Variants in PTPRD observed in about 807,000 individuals in gnomAD.
The protein encoded by PTPRD is protein tyrosine phosphatase receptor type D, also known as receptor-type tyrosine-protein phosphatase delta.
Under a neutral mutation model 214.5 loss-of-function variants are expected in PTPRD, and 34 were observed. The ratio of observed to expected loss-of-function variants is 0.16; its 90% CI spans 0.12 to 0.21. The LOEUF (loss-of-function observed/expected upper bound fraction) is 0.21. Among genes scored for constraint, PTPRD ranks in the 10% least tolerant of loss-of-function variants. The pLI is 1.00. For synonymous variants in PTPRD, 1,128 were observed against 845.7 expected, an observed-to-expected ratio of 1.33 and a Z score of -5.79; for missense variants, 2,545 against 2,398.7, an observed-to-expected ratio of 1.06 and a Z score of -1.27.
At chr9:10,032,789 C>G (rs116083208) in intron 4 of PTPRD, among the ~76,000 whole-genome samples, 3,094 of 152,092 alleles carry the variant, frequency 0.02, 108 homozygotes, top group African/African-American at 0.069. Context: ...CTATTAATTT[C>G]CATACATGAC....
chr9:8,342,596 A>G (rs891184701), intron 39 of PTPRD, among the ~76,000 whole-genome samples: 1 of 152,052 alleles, frequency 6.6e-6, no homozygotes, highest in Admixed American at 6.6e-5. Context: ...ATAGGTGTAT[A>G]TTACCATCTT....
chr9:8,830,456 A>G (rs1004715407), intron 11 of PTPRD, among the ~76,000 whole-genome samples: 4 of 152,182 alleles, frequency 2.6e-5, no homozygotes, highest in African/African-American at 4.8e-5. Flanking sequence ...TTAAGAAACA[A>G]GAGGGTAAAC....
At chr9:9,385,774 T>C (rs138523569) in intron 9 of PTPRD, among the ~76,000 whole-genome samples, 46 of 152,314 alleles carry the variant, frequency 3.0e-4, no homozygotes, top group African/African-American at 1.0e-3. Flanking sequence ...TTGGGGTGAA[T>C]GTCACTTTTA....
intron 7 of PTPRD, among the ~76,000 whole-genome samples, chr9:9,621,012 C>A (rs576077223): frequency 2.0e-5 from 3 of 152,142 alleles, no homozygotes; most frequent in Non-Finnish European, 4.4e-5. Flanking sequence ...AGACCCAATT[C>A]CCCTTGTGTT....
intron 11 of PTPRD, among the ~76,000 whole-genome samples, chr9:8,936,859 T>C (rs1013218313): frequency 6.6e-6 from 1 of 152,182 alleles, no homozygotes; most frequent in Non-Finnish European, 1.5e-5. Flanking sequence ...AGAATTCACT[T>C]TGAGATTTAC....
rs562983041 is a variant in PTPRD at position 10,282,426 on chromosome 9, A to T, written c.-545+58537T>A. ...TCCAGATAAGTCACTTAGACAAGAT[A>T]AGCCTTCAGTCTTCTAATCTATAAA... On this transcript the variant is annotated intron_variant, in intron 3 of 45. Transcript: ENST00000381196. Among the ~76,000 whole-genome samples, 12 of 152,318 alleles carry T rather than the reference A, an allele frequency of 7.9e-5. No homozygotes were observed. The South Asian group carries it at 1.4e-3, about 18-fold the overall frequency.
intron 9 of PTPRD, among the ~76,000 whole-genome samples, chr9:9,297,936 G>A (rs187021635): frequency 1.0e-3 from 155 of 151,564 alleles, no homozygotes; most frequent in Non-Finnish European, 1.7e-3. Flanking sequence ...GTATTCTTCC[G>A]TTTTATAGAA....
intron 4 of PTPRD, among the ~76,000 whole-genome samples, chr9:9,969,103 C>T (rs1446125167): frequency 6.6e-5 from 10 of 152,042 alleles, no homozygotes; most frequent in East Asian, 1.9e-4. Flanking sequence ...GCATGTGACA[C>T]GTCCATAAAA....
intron 2 of PTPRD, among the ~76,000 whole-genome samples, chr9:10,396,659 C>G (rs371356202): frequency 4.6e-5 from 7 of 151,948 alleles, no homozygotes; most frequent in African/African-American, 1.7e-4. Context: ...ACGAGTAAAG[C>G]ACCTTCTTAA....
intron 30 of PTPRD, among the ~76,000 whole-genome samples, chr9:8,472,092 A>C (rs17564174): frequency 0.012 from 1,769 of 152,274 alleles, 74 homozygotes; most frequent in Admixed American, 0.08. Context: ...CACAGGCAAA[A>C]AGACAGATCT....
At chr9:10,479,448 T>G (rs1204893837) in intron 2 of PTPRD, among the ~76,000 whole-genome samples, 1 of 152,052 alleles carries the variant, frequency 6.6e-6, no homozygotes, top group African/African-American at 2.4e-5. Flanking sequence ...AAACTCAAAC[T>G]TAACTTGTAC....
At chr9:9,716,100 G>A (rs960405459) in intron 7 of PTPRD, among the ~76,000 whole-genome samples, 11 of 151,652 alleles carry the variant, frequency 7.3e-5, no homozygotes, top group East Asian at 3.9e-4. Flanking sequence ...GAGAATATGC[G>A]GTGTTTGGTT....
intron 6 of PTPRD, among the ~76,000 whole-genome samples, chr9:9,765,179 A>T (rs77960325): frequency 6.6e-6 from 1 of 152,310 alleles, no homozygotes; most frequent in African/African-American, 2.4e-5. Flanking sequence ...GGCAAAAAAA[A>T]TATCTGGGAG....
At chr9:9,382,793 C>G (rs1224720383) in intron 9 of PTPRD, among the ~76,000 whole-genome samples, 1 of 151,908 alleles carries the variant, frequency 6.6e-6, no homozygotes, top group East Asian at 1.9e-4. Context: ...TTTGGTAATC[C>G]TACTTCTGGA....
chr9:10,227,247 A>G (rs915369180), intron 3 of PTPRD, among the ~76,000 whole-genome samples: 1 of 151,988 alleles, frequency 6.6e-6, no homozygotes, highest in Non-Finnish European at 1.5e-5. Flanking sequence ...TGCATGTTGA[A>G]AATTACTCTA....
intron 6 of PTPRD, among the ~76,000 whole-genome samples, chr9:9,752,768 T>C (rs1045245163): frequency 6.6e-6 from 1 of 152,024 alleles, no homozygotes; most frequent in Non-Finnish European, 1.5e-5. Context: ...CGTTTTACAT[T>C]GTTTAGAAGA....
chr9:8,624,672 AC>A (rs1402783631), intron 14 of PTPRD, among the ~76,000 whole-genome samples: 2 of 151,838 alleles, frequency 1.3e-5, no homozygotes, highest in Admixed American at 1.3e-4. Context: ...AGCCAGGATC[AC>A]CCCCAACCCT....
At chr9:9,481,859 A>G (rs1178070884) in intron 8 of PTPRD, among the ~76,000 whole-genome samples, 1 of 152,212 alleles carries the variant, frequency 6.6e-6, no homozygotes, top group Non-Finnish European at 1.5e-5. Context: ...TTATCTAAAG[A>G]AATACTTTTG....
intron 3 of PTPRD, among the ~76,000 whole-genome samples, chr9:10,296,633 G>A (rs1205867192): frequency 2.6e-5 from 4 of 151,960 alleles, no homozygotes; most frequent in Non-Finnish European, 4.4e-5. Context: ...GGCTGTCTGT[G>A]CAGTGAGCTG....
Sources: allele counts gnomAD v4.1 joint callset (sites outside exome capture counted in the v4.1 genomes callset), GRCh38; gene constraint gnomAD v4.1.1; transcripts MANE v1.5; gene names NCBI Gene and HGNC (gene_info 2026-07-23, HGNC 2026-07-21).